LRRC1: variants seen among roughly 807,000 people sequenced by gnomAD.
LRRC1 encodes leucine rich repeat containing 1, also known as leucine-rich repeat-containing protein 1.
In LRRC1, 28 loss-of-function variants were observed where a neutral mutation model predicts 69.9. That is an observed-to-expected ratio of 0.40 (90% CI 0.30 to 0.55). The LOEUF is 0.55. LRRC1 is among the 20% of genes least tolerant of loss of function. The probability of loss-of-function intolerance (pLI) is 0.47; values close to 1 mark genes in which losing one functional copy is unlikely to be tolerated. For synonymous variants in LRRC1, 236 were observed against 240.2 expected (o/e 0.98, Z 0.16); for missense variants, 498 against 609.0 (o/e 0.82, Z 1.92).
chr6:53,862,125 G>A (rs1038790100), intron 2 of LRRC1, among the ~76,000 whole-genome samples: 3 of 152,158 alleles, frequency 2.0e-5, no homozygotes, highest in Admixed American at 6.5e-5. Flanking sequence ...GAGAATTCTG[G>A]TATGAACATA....
At chr6:53,821,527 AGTGCCT>A (rs570226164) in intron 1 of LRRC1, among the ~76,000 whole-genome samples, 169 of 152,288 alleles carry the variant, frequency 1.1e-3, no homozygotes, top group African/African-American at 3.8e-3. Context: ...GGGACTCAGG[AGTGCCT>A]GTCATGGAGG....
intron 1 of LRRC1, among the ~76,000 whole-genome samples, chr6:53,804,468 A>G (rs562293658): frequency 6.6e-6 from 1 of 152,242 alleles, no homozygotes; most frequent in African/African-American, 2.4e-5. Context: ...ATTTGTTGTT[A>G]TTAAAACAAA....
At chr6:53,820,163 A>T (rs900103940) in intron 1 of LRRC1, among the ~76,000 whole-genome samples, 1 of 152,080 alleles carries the variant, frequency 6.6e-6, no homozygotes, top group Non-Finnish European at 1.5e-5. Context: ...GTTGATTTAC[A>T]TACAACTTAC....
intron 1 of LRRC1, among the ~76,000 whole-genome samples, chr6:53,835,719 A>G (rs1369208621): frequency 1.3e-5 from 2 of 152,122 alleles, no homozygotes; most frequent in South Asian, 2.1e-4. Flanking sequence ...TATTCAGTGT[A>G]TTATTTTCTC....
intron 13 of LRRC1, 51 bp downstream of exon 13, chr6:53,920,812 T>C: frequency 6.3e-7 from 1 of 1,590,864 alleles, no homozygotes; most frequent in Non-Finnish European, 8.6e-7. Flanking sequence ...ATTAAAAGAT[T>C]AGAATGGCAC....
intron 2 of LRRC1, among the ~76,000 whole-genome samples, chr6:53,859,213 G>A (rs1766416341): frequency 6.6e-6 from 1 of 152,210 alleles, no homozygotes; most frequent in Non-Finnish European, 1.5e-5. Context: ...ACATTCAGGA[G>A]TGATGGAAGC....
intron 11 of LRRC1, among the ~76,000 whole-genome samples, chr6:53,915,920 G>A (rs748715546): frequency 2.0e-5 from 3 of 152,052 alleles, no homozygotes; most frequent in Non-Finnish European, 4.4e-5. Context: ...TCATACCATG[G>A]GAAATCATAC....
intron 10 of LRRC1, among the ~76,000 whole-genome samples, chr6:53,907,271 A>T (rs1352048543): frequency 6.6e-6 from 1 of 152,242 alleles, no homozygotes; most frequent in Non-Finnish European, 1.5e-5. Context: ...GATTCAATTC[A>T]TATGCCAAAA....
chr6:53,896,471 CT>C (rs746398688), intron 4 of LRRC1, 26 bp from the exon 5 acceptor site: 11 of 1,594,958 alleles, frequency 6.9e-6, no homozygotes, highest in Non-Finnish European at 7.7e-6. Flanking sequence ...TTCTCTTATG[CT>C]TTTTTTTCCT....
chr6:53,911,279 C>T (rs1048052402), intron 10 of LRRC1, among the ~76,000 whole-genome samples: 1 of 152,132 alleles, frequency 6.6e-6, no homozygotes, highest in African/African-American at 2.4e-5. Flanking sequence ...GGATCTTGTC[C>T]AGAACATTTA....
intron 1 of LRRC1, among the ~76,000 whole-genome samples, chr6:53,831,787 T>C (rs779008009): frequency 1.3e-5 from 2 of 152,226 alleles, no homozygotes; most frequent in Non-Finnish European, 2.9e-5. Context: ...TGTCAATGCC[T>C]GAGTCTTCCA....
rs114603474 is a variant in LRRC1 at position 53,801,467 on chromosome 6, A to G, written c.159+6052A>G. ...ATTATAATAAATGTAATTTAAGTCA[A>G]AGCTTAGGGGAAAGGGGATCCAAAG... On this transcript the variant is annotated intron_variant, in intron 1 of 13. Transcript: ENST00000370888. Among the ~76,000 whole-genome samples the G allele has an allele frequency of 3.6e-3, 545 of 152,318 alleles. 3 individuals are homozygous for G. The highest frequency in any genetic ancestry group is 0.012 in the African/African-American group (505 of 41,566).
intron 1 of LRRC1, among the ~76,000 whole-genome samples, chr6:53,798,192 C>A (rs991905839): frequency 6.6e-6 from 1 of 152,120 alleles, no homozygotes; most frequent in Non-Finnish European, 1.5e-5. Flanking sequence ...ATCTTTTAAC[C>A]TTTTGCATCA....
chr6:53,805,021 T>C (rs180725004), intron 1 of LRRC1, among the ~76,000 whole-genome samples: 37 of 152,268 alleles, frequency 2.4e-4, no homozygotes, highest in African/African-American at 8.2e-4. Flanking sequence ...CTAGAGGCTG[T>C]CTTTTTTTTT....
Position 53,860,614 on chromosome 6 carries a change from T to G in LRRC1, c.278-18379T>G, listed in dbSNP as rs529526014. ...TTTTAAGATCAATTTTATTTCAAAATGAGAAGGCAGTTAAATTAGATCCAA... is the reference window on the plus strand; with the variant it reads ...TTTTAAGATCAATTTTATTTCAAAAGGAGAAGGCAGTTAAATTAGATCCAA... On this transcript the variant is annotated intron_variant, in intron 2 of 13. Transcript: ENST00000370888. Among the ~76,000 whole-genome samples the G allele has an allele frequency of 1.9e-3, 295 of 152,314 alleles. 1 individual carries two copies. Among genetic ancestry groups the G allele is most frequent in the Non-Finnish European group, 3.3e-3 (226 of 68,030 alleles).
intron 1 of LRRC1, among the ~76,000 whole-genome samples, chr6:53,832,365 C>G (rs1483141235): frequency 6.6e-6 from 1 of 152,170 alleles, no homozygotes; most frequent in African/African-American, 2.4e-5. Context: ...CATTTTCAAA[C>G]CTTGCACATA....
At chr6:53,866,159 A>G (rs1045864668) in intron 2 of LRRC1, among the ~76,000 whole-genome samples, 2 of 152,006 alleles carry the variant, frequency 1.3e-5, no homozygotes, top group African/African-American at 4.8e-5. Context: ...ACATGTAAAA[A>G]CCATCCTGGG....
Position 53,795,392 on chromosome 6 carries a change from A to C in LRRC1, c.136A>C (p.Asn46His), listed in dbSNP as rs1581833895. Residue 46 changes from asparagine to histidine, a missense_variant, in exon 1 of 14, where the codon AAC (asparagine) becomes CAC (histidine). Asn to His is a moderately conservative substitution (Grantham distance 68). This residue lies in a region of LRRC1 where 70 missense variants were observed against 62.1 expected (regional missense o/e 1.13). Coordinates refer to ENST00000370888, the MANE Select transcript of LRRC1 (RefSeq NM_018214.5). Reference protein sequence around the residue: ...RSLEELLLDANQLRELPEQFF... With the variant: ...RSLEELLLDAHQLRELPEQFF... Reference sequence around the variant, plus strand: ...CCTGGAGGAGCTGCTGCTGGACGCCAACCAGCTCCGCGAGCTGCCCGAGGT... The same window carrying C: ...CCTGGAGGAGCTGCTGCTGGACGCCCACCAGCTCCGCGAGCTGCCCGAGGT... 1 of 1,613,058 alleles carries C rather than the reference A, an allele frequency of 6.2e-7. No individual in the cohort carries two copies. The highest frequency in any genetic ancestry group is 8.5e-7 in the Non-Finnish European group (1 of 1,179,922).
chr6:53,909,511 C>A (rs945845695), intron 10 of LRRC1, among the ~76,000 whole-genome samples: 3 of 151,688 alleles, frequency 2.0e-5, no homozygotes, highest in African/African-American at 7.3e-5. Flanking sequence ...CTGATTATCC[C>A]TTTGTGGTAA....
Sources: allele counts gnomAD v4.1 joint callset (sites outside exome capture counted in the v4.1 genomes callset), GRCh38; gene constraint gnomAD v4.1.1; regional missense constraint gnomAD v4.1.1; transcripts MANE v1.5; gene names NCBI Gene and HGNC (gene_info 2026-07-23, HGNC 2026-07-21).